The following LURAP1L variants were observed in gnomAD, a reference collection of about 807,000 sequenced individuals.
The protein encoded by LURAP1L is leucine rich adaptor protein 1-like.
LURAP1L carries 12 observed loss-of-function variants against 13.8 expected under a neutral mutation model. That is an observed-to-expected ratio of 0.87 (90% CI 0.56 to 1.41). LURAP1L has a LOEUF of 1.41. LURAP1L is among the 40% of genes most tolerant of loss of function. The probability of loss-of-function intolerance (pLI) is 0.00; values close to 1 mark genes in which losing one functional copy is unlikely to be tolerated. For synonymous variants in LURAP1L, 139 were observed against 119.2 expected (o/e 1.17, Z -1.08); for missense variants, 375 against 292.9 (o/e 1.28, Z -2.04).
intron 1 of LURAP1L, among the ~76,000 whole-genome samples, chr9:12,812,487 CT>C (rs2118539540): frequency 6.6e-6 from 1 of 152,270 alleles, no homozygotes; most frequent in Admixed American, 6.5e-5. Context: ...GATCACTTTT[CT>C]TTTCAAGTCA....
At chr9:12,788,907 A>T (rs189214734) in intron 1 of LURAP1L, among the ~76,000 whole-genome samples, 2,314 of 150,548 alleles carry the variant, frequency 0.015, 68 homozygotes, top group African/African-American at 0.052. Flanking sequence ...ATATATATAT[A>T]TATATTTTTA....
intron 1 of LURAP1L, among the ~76,000 whole-genome samples, chr9:12,800,957 T>A (rs956572763): frequency 6.6e-6 from 1 of 152,212 alleles, no homozygotes; most frequent in African/African-American, 2.4e-5. Flanking sequence ...GCGAGTTTTT[T>A]ATGGAATGAA....
chr9:12,794,327 G>C (rs904010733), intron 1 of LURAP1L, among the ~76,000 whole-genome samples: 2 of 151,894 alleles, frequency 1.3e-5, no homozygotes, highest in East Asian at 3.9e-4. Context: ...AAGACAAATG[G>C]ATTCTATTTG....
chr9:12,806,589 C>T (rs904953225), intron 1 of LURAP1L, among the ~76,000 whole-genome samples: 1 of 151,968 alleles, frequency 6.6e-6, no homozygotes, highest in Non-Finnish European at 1.5e-5. Flanking sequence ...TCAAACTTTG[C>T]TTTATTTTCA....
chr9:12,810,358 G>A (rs1411307275), intron 1 of LURAP1L, among the ~76,000 whole-genome samples: 1 of 152,140 alleles, frequency 6.6e-6, no homozygotes, highest in Non-Finnish European at 1.5e-5. Flanking sequence ...TTCCTGTTAA[G>A]CTATGATTCT....
intron 1 of LURAP1L, among the ~76,000 whole-genome samples, chr9:12,785,285 G>T (rs140611033): frequency 1.3e-5 from 2 of 152,166 alleles, no homozygotes; most frequent in East Asian, 3.9e-4. Flanking sequence ...CAAACAGAAG[G>T]TGTCTCTGCC....
At chr9:12,781,766 A>G (rs77822737) in intron 1 of LURAP1L, among the ~76,000 whole-genome samples, 1 of 152,182 alleles carries the variant, frequency 6.6e-6, no homozygotes, top group Non-Finnish European at 1.5e-5. Context: ...TCTCCTGAGT[A>G]TATACCTAGT....
intron 1 of LURAP1L, among the ~76,000 whole-genome samples, chr9:12,796,501 C>A (rs1819513246): frequency 6.6e-6 from 1 of 151,754 alleles, no homozygotes; most frequent in African/African-American, 2.4e-5. Flanking sequence ...GGAAAATATT[C>A]TATTTTATGT....
intron 1 of LURAP1L, among the ~76,000 whole-genome samples, chr9:12,808,941 G>A (rs1354797847): frequency 6.6e-6 from 1 of 152,160 alleles, no homozygotes. Context: ...TTGGCCCATG[G>A]TTCTGCAGGC....
intron 1 of LURAP1L, among the ~76,000 whole-genome samples, chr9:12,777,802 G>A (rs1365496818): frequency 6.6e-6 from 1 of 152,186 alleles, no homozygotes; most frequent in African/African-American, 2.4e-5. Context: ...ATGTTGTCCT[G>A]TAGAGAAGTC....
At chr9:12,810,418 A>G (rs1265955127) in intron 1 of LURAP1L, among the ~76,000 whole-genome samples, 1 of 152,134 alleles carries the variant, frequency 6.6e-6, no homozygotes. Flanking sequence ...CAATGACCTC[A>G]GTTTTCTGAT....
Position 12,775,510 on chromosome 9 carries a change from G to T in LURAP1L, c.-206G>T. On this transcript the variant is annotated 5_prime_UTR_variant, in exon 1 of 2. Transcript: ENST00000319264. Reference sequence around the variant, plus strand: ...TGTCGGAGGAGTCGCAGCGGACTGGGAACTGCAGCTGCGACCCCCCGCGTC... The same window carrying T: ...TGTCGGAGGAGTCGCAGCGGACTGGTAACTGCAGCTGCGACCCCCCGCGTC... 4.6e-6 allele frequency: 3 copies of T among 648,874 alleles called. No homozygotes were observed. Among genetic ancestry groups the T allele is most frequent in the Non-Finnish European group, 7.2e-6 (3 of 416,506 alleles). The allele number at this position is 648,874 out of a possible 1,614,324, so 40.2% of individuals were successfully genotyped here.
chr9:12,793,648 A>C (rs1819474379), intron 1 of LURAP1L, among the ~76,000 whole-genome samples: 1 of 152,104 alleles, frequency 6.6e-6, no homozygotes, highest in African/African-American at 2.4e-5. Flanking sequence ...CATACATGAT[A>C]TGATCAAAAA....
intron 1 of LURAP1L, among the ~76,000 whole-genome samples, chr9:12,792,398 CAT>C (rs1211933271): frequency 1.3e-5 from 2 of 152,086 alleles, no homozygotes; most frequent in Non-Finnish European, 2.9e-5. Flanking sequence ...ACATATTTTG[CAT>C]AGTGTACAAA....
At chr9:12,821,157 G>C (rs546474753) in intron 1 of LURAP1L, among the ~76,000 whole-genome samples, 1 of 152,310 alleles carries the variant, frequency 6.6e-6, no homozygotes, top group South Asian at 2.1e-4. Context: ...TGCAGCAGGG[G>C]TTTTATTGTG....
intron 1 of LURAP1L, among the ~76,000 whole-genome samples, chr9:12,793,032 A>G (rs891755520): frequency 6.6e-6 from 1 of 152,082 alleles, no homozygotes; most frequent in Non-Finnish European, 1.5e-5. Flanking sequence ...AAAACGAACT[A>G]GAACATAAGA....
chr9:12,793,135 A>G (rs1334542248), intron 1 of LURAP1L, among the ~76,000 whole-genome samples: 1 of 151,986 alleles, frequency 6.6e-6, no homozygotes, highest in Non-Finnish European at 1.5e-5. Context: ...TTAGAAGTAG[A>G]TCTTGAAATT....
intron 1 of LURAP1L, among the ~76,000 whole-genome samples, chr9:12,786,124 A>G (rs948795934): frequency 1.4e-4 from 22 of 152,150 alleles, no homozygotes; most frequent in Non-Finnish European, 2.9e-4. Context: ...CTTTTCAAGT[A>G]TTATGTCATT....
At chr9:12,819,484 A>G (rs905595278) in intron 1 of LURAP1L, among the ~76,000 whole-genome samples, 2 of 152,198 alleles carry the variant, frequency 1.3e-5, no homozygotes, top group African/African-American at 2.4e-5. Context: ...ACAAATGAAT[A>G]CTTTTGAGGA....
Sources: gnomAD v4.1 joint callset for allele counts (sites outside exome capture counted in the v4.1 genomes callset) on GRCh38, gnomAD v4.1.1 for gene constraint, MANE v1.5 for transcripts, NCBI Gene and HGNC (gene_info 2026-07-23, HGNC 2026-07-21) for gene names.